Variants in LRRC8B observed in about 807,000 individuals in gnomAD.
The protein encoded by LRRC8B is volume-regulated anion channel subunit LRRC8B.
In LRRC8B, 23 loss-of-function variants were observed where a neutral mutation model predicts 58.8. That is an observed-to-expected ratio of 0.39 (90% CI 0.28 to 0.55). LRRC8B has a LOEUF of 0.55. Among genes scored for constraint, LRRC8B ranks in the 20% least tolerant of loss-of-function variants. The pLI is 0.62. For missense variants in LRRC8B, 694 were observed against 936.0 expected (o/e 0.74, Z 3.37); for synonymous variants, 359 against 374.1 (o/e 0.96, Z 0.47).
rs541153255 is a variant in LRRC8B at position 89,551,125 on chromosome 1, C to A, written c.-240-17122C>A. Among the ~76,000 whole-genome samples the A allele has an allele frequency of 5.3e-5, 8 of 152,252 alleles. No homozygotes were observed. The East Asian group carries it at 1.5e-3, about 29-fold the overall frequency. On this transcript the variant is annotated intron_variant, in intron 1 of 5. Transcript: ENST00000330947. The stretch of plus-strand genomic sequence containing the variant: ...CTCAGGCAACACCCCTCTGCTCTTT[C>A]CCTCCCCACTACCCCGCTGGAGATT...
intron 5 of LRRC8B, among the ~76,000 whole-genome samples, chr1:89,591,136 C>T (rs1447708962): frequency 6.6e-6 from 1 of 152,198 alleles, no homozygotes; most frequent in East Asian, 1.9e-4. Flanking sequence ...CAGCAGCTAG[C>T]TGGGAGCCTG....
chr1:89,542,564 G>T (rs1209643622), intron 1 of LRRC8B, among the ~76,000 whole-genome samples: 2 of 152,088 alleles, frequency 1.3e-5, no homozygotes, highest in Non-Finnish European at 2.9e-5. Context: ...TCATTCCATG[G>T]AGCTAAGCTA....
chr1:89,557,218 A>G (rs768819265), intron 1 of LRRC8B, among the ~76,000 whole-genome samples: 22 of 151,976 alleles, frequency 1.4e-4, no homozygotes, highest in Non-Finnish European at 2.8e-4. Flanking sequence ...GCCTTTTTTG[A>G]AGCGTTCTTT....
chr1:89,587,878 G>A (rs1654738484), intron 5 of LRRC8B: 1 of 152,250 alleles, frequency 6.6e-6, no homozygotes, highest in East Asian at 1.9e-4. Context: ...GCACAATGGT[G>A]AGGATACACT....
intron 5 of LRRC8B, among the ~76,000 whole-genome samples, chr1:89,590,309 A>G (rs1235744384): frequency 6.6e-6 from 1 of 152,256 alleles, no homozygotes; most frequent in Non-Finnish European, 1.5e-5. Context: ...TAAAGCTGTA[A>G]GTAGATTTTT....
chr1:89,548,456 A>G (rs533481303), intron 1 of LRRC8B, among the ~76,000 whole-genome samples: 37 of 152,382 alleles, frequency 2.4e-4, no homozygotes, highest in African/African-American at 8.9e-4. Context: ...TAATGAGGAC[A>G]GAGAAGGACA....
chr1:89,556,196 T>G (rs760874134), intron 1 of LRRC8B, among the ~76,000 whole-genome samples: 1 of 152,090 alleles, frequency 6.6e-6, no homozygotes, highest in Non-Finnish European at 1.5e-5. Context: ...CCCTAAACAA[T>G]GGAGTTCAGG....
chr1:89,579,963 A>G (rs1421078116), intron 4 of LRRC8B, among the ~76,000 whole-genome samples: 2 of 152,160 alleles, frequency 1.3e-5, no homozygotes, highest in Admixed American at 6.5e-5. Context: ...CTCCTGATGG[A>G]TGGTCATTTT....
At chr1:89,585,874 G>A (rs139399980) in intron 5 of LRRC8B, among the ~76,000 whole-genome samples, 187 of 152,200 alleles carry the variant, frequency 1.2e-3, no homozygotes, top group African/African-American at 4.3e-3. Context: ...TAGTTCATAT[G>A]TCATGGTAAA....
At chr1:89,542,518 A>G (rs538368045) in intron 1 of LRRC8B, among the ~76,000 whole-genome samples, 2 of 152,312 alleles carry the variant, frequency 1.3e-5, no homozygotes, top group East Asian at 1.9e-4. Context: ...GAGTGAATGA[A>G]TGAATGAATG....
intron 1 of LRRC8B, among the ~76,000 whole-genome samples, chr1:89,541,438 G>A (rs146380617): frequency 0.056 from 8,433 of 151,778 alleles, 315 homozygotes; most frequent in Middle Eastern, 0.083. Context: ...CTGGCCGGGC[G>A]CGGTGGCTCA....
rs1649634374 is a variant in LRRC8B at position 89,525,666 on chromosome 1, CAG to C, written c.-241+646_-241+647del. Among the ~76,000 whole-genome samples the C allele has an allele frequency of 2.0e-5, 3 of 152,286 alleles. No homozygotes were observed. The South Asian group carries it at 6.2e-4, about 32-fold the overall frequency. ...CTTAGTTGAGCAGGTGCTGAGAGGT[CAG>C]AAGGGAGGAGGCTCAGTATTGGCTC... On this transcript the variant is annotated intron_variant, in intron 1 of 5. Coordinates refer to ENST00000330947, the MANE Select transcript of LRRC8B (RefSeq NM_001369817.2).
At chr1:89,574,251 A>C (rs1037857280) in intron 3 of LRRC8B, among the ~76,000 whole-genome samples, 1 of 152,258 alleles carries the variant, frequency 6.6e-6, no homozygotes, top group Non-Finnish European at 1.5e-5. Flanking sequence ...ATGAGAAATT[A>C]TGAATTGTTA....
rs1654448570 is a variant in LRRC8B, at chr1:89,584,091, G to T, written c.1441G>T (p.Ala481Ser). ...YHSSLVVDHPALAFLEENLKI... is the reference protein window; with the variant it reads ...YHSSLVVDHPSLAFLEENLKI... ...TTCATCTCTGGTCGTAGACCATCCT[G>T]CACTGGCCTTTCTAGAGGAGAATTT... Residue 481 changes from alanine to serine, a missense_variant, in exon 5 of 6, where the codon GCA becomes TCA. By Grantham distance (99) the Ala-to-Ser change is moderately conservative. Transcript: ENST00000330947. 2 of 1,614,016 alleles carry T rather than the reference G, an allele frequency of 1.2e-6. No homozygotes were observed. The highest frequency in any genetic ancestry group is 4.5e-5 in the East Asian group (2 of 44,878).
intron 4 of LRRC8B, among the ~76,000 whole-genome samples, chr1:89,580,066 A>AT (rs1208290889): frequency 2.0e-5 from 3 of 152,198 alleles, no homozygotes; most frequent in Non-Finnish European, 2.9e-5. Context: ...TCAAAATGTG[A>AT]TTTTCTAAAG....
chr1:89,533,515 A>G (rs1055008495), intron 1 of LRRC8B, among the ~76,000 whole-genome samples: 4 of 152,098 alleles, frequency 2.6e-5, no homozygotes, highest in African/African-American at 9.7e-5. Flanking sequence ...GCACAGAACC[A>G]TCTTTCTAGG....
intron 1 of LRRC8B, among the ~76,000 whole-genome samples, chr1:89,551,755 A>C (rs1651832970): frequency 6.6e-6 from 1 of 152,158 alleles, no homozygotes; most frequent in South Asian, 2.1e-4. Context: ...GGCCTGCCTC[A>C]ATACTTTTGG....
At chr1:89,577,763 A>C (rs1557616569) in intron 3 of LRRC8B, among the ~76,000 whole-genome samples, 2 of 152,240 alleles carry the variant, frequency 1.3e-5, no homozygotes, top group Non-Finnish European at 2.9e-5. Flanking sequence ...TAGCTGAGAA[A>C]GTAGATTATA....
chr1:89,526,415 A>C (rs1232674501), intron 1 of LRRC8B, among the ~76,000 whole-genome samples: 1 of 152,124 alleles, frequency 6.6e-6, no homozygotes, highest in East Asian at 1.9e-4. Flanking sequence ...GGGTTTCACC[A>C]TGTTGGCCAG....
Sources: gnomAD v4.1 joint callset for allele counts (sites outside exome capture counted in the v4.1 genomes callset) on GRCh38, gnomAD v4.1.1 for gene constraint, MANE v1.5 for transcripts, NCBI Gene and HGNC (gene_info 2026-07-23, HGNC 2026-07-21) for gene names.